DAZAP2: variants seen among roughly 807,000 people sequenced by gnomAD.
DAZAP2 encodes the protein DAZ-associated protein 2.
A neutral mutation model predicts 16.2 loss-of-function variants in DAZAP2; 3 were observed. That is an observed-to-expected ratio of 0.19 (90% CI 0.08 to 0.48). DAZAP2 has a LOEUF of 0.48. Among genes scored for constraint, DAZAP2 ranks in the 20% least tolerant of loss-of-function variants. The pLI, the probability that DAZAP2 is intolerant of heterozygous loss-of-function variation, is 0.98. For missense variants in DAZAP2, 172 were observed against 215.9 expected, an observed-to-expected ratio of 0.80 and a Z score of 1.27; for synonymous variants, 69 against 77.6, an observed-to-expected ratio of 0.89 and a Z score of 0.58.
At chr12:51,244,820 C>CTTTTTTTTT (rs5798164), downstream of DAZAP2, 1 of 92,064 alleles carries the variant, frequency 1.1e-5, no homozygotes, top group Non-Finnish European at 2.0e-5. Flanking sequence ...TCCCAGGGTA[C>CTTTTTTTTT]TTTTTTTTTT....
chr12:51,239,148 T>G, intron 1 of DAZAP2: 3 of 563,838 alleles, frequency 5.3e-6, no homozygotes, highest in South Asian at 2.4e-5. Context: ...AGTTTGGAGC[T>G]GCGGGCTCGG....
rs1220483076 is a variant in DAZAP2 at position 51,241,033 on chromosome 12, C to T, written c.295C>T (p.Pro99Ser). 6.2e-7 allele frequency: 1 copy of T among 1,614,178 alleles called. No individual in the cohort carries two copies. Reference sequence around the variant, plus strand: ...TTATTATCCAGTCGGTCCCATCTATCCACCTGGCTCCACAGTGCTGGTGGA... The same window carrying T: ...TTATTATCCAGTCGGTCCCATCTATTCACCTGGCTCCACAGTGCTGGTGGA... ...MAYYPVGPIY[P>S]PGSTVLVEGG... Residue 99 changes from proline (P) to serine (S), a missense_variant, in exon 3 of 4, where the codon CCA becomes TCA. Transcript: ENST00000412716.
In DAZAP2 at chr12:51,242,747, A is replaced by T. The variant is rs1197419482; in HGVS notation, c.*289A>T. 4.2e-6 allele frequency: 6 copies of T among 1,440,712 alleles called. No individual in the cohort carries two copies. The African/African-American group carries it at 8.6e-5, about 21-fold the overall frequency. 89.2% of individuals were successfully genotyped at this position (1,440,712 alleles called of 1,614,324 possible). ...TTTAATTTCTCTGGAGTAATACTGTACCATACTGGTCTTTGCTTTTAGTAA... is the reference window on the plus strand; with the variant it reads ...TTTAATTTCTCTGGAGTAATACTGTTCCATACTGGTCTTTGCTTTTAGTAA... On this transcript the variant is annotated 3_prime_UTR_variant, in exon 4 of 4. Transcript: ENST00000412716.
At position 51,240,907 on chromosome 12, in the gene DAZAP2, A is replaced by G. The variant is rs1804086; in HGVS notation, c.169A>G (p.Thr57Ala). 6.2e-7 allele frequency: 1 copy of G among 1,614,208 alleles called. No individual in the cohort carries two copies. The highest frequency in any genetic ancestry group is 1.7e-5 in the Admixed American group (1 of 60,020). The change falls in exon 3 of 4, where the codon ACA (threonine) becomes GCA (alanine). Residue 57 changes from threonine to alanine, a missense_variant. Physicochemically the swap from Thr to Ala is moderately conservative, Grantham distance 58 (BLOSUM62 0). Coordinates refer to ENST00000412716, the MANE Select transcript of DAZAP2 (RefSeq NM_014764.4). ...GAGCTTTGTGCACCCAGGGGCTGCC[A>G]CAGTCCCCACCATGTCAGCCGCATT... is the stretch of plus-strand genomic sequence containing the variant. ...RPSFVHPGAA[T>A]VPTMSAAFPG...
downstream of DAZAP2, chr12:51,246,150 T>C: frequency 2.5e-6 from 4 of 1,611,036 alleles, no homozygotes; most frequent in Non-Finnish European, 3.4e-6. Context: ...TGTAGAGATG[T>C]TTCAGGATTG....
chr12:51,242,934 C>A lies in DAZAP2; in HGVS notation c.*476C>A. 1 of 1,108,416 alleles carries A rather than the reference C, an allele frequency of 9.0e-7. No individual in the cohort carries two copies. Among genetic ancestry groups the A allele is most frequent in the Non-Finnish European group, 1.1e-6 (1 of 908,392 alleles). The allele number at this position is 1,108,416 out of a possible 1,614,324, so 68.7% of individuals were successfully genotyped here. A position where few individuals can be genotyped will look rare whatever the true frequency, so the allele number is the denominator to read the frequency against. ...TGCCTTTTCCTTTCCATCCCTTGCC[C>A]CACCCATCCCATCTCCAACCCTAGT... On this transcript the variant is annotated 3_prime_UTR_variant, in exon 4 of 4. Transcript: ENST00000412716.
intron 1 of DAZAP2, chr12:51,239,666 G>A (rs938349435): frequency 6.6e-6 from 1 of 152,438 alleles, no homozygotes; most frequent in Non-Finnish European, 1.5e-5. Flanking sequence ...TGTAATCCCA[G>A]CTACTCGGGA....
intron 3 of DAZAP2, among the ~76,000 whole-genome samples, chr12:51,241,566 C>G (rs981603374): frequency 6.6e-6 from 1 of 151,004 alleles, no homozygotes; most frequent in Non-Finnish European, 1.5e-5. Context: ...ACTTAATTCC[C>G]CAGTGCGTGG....
At chr12:51,241,900 G>A (rs569133075) in intron 3 of DAZAP2, among the ~76,000 whole-genome samples, 2 of 150,658 alleles carry the variant, frequency 1.3e-5, no homozygotes, top group African/African-American at 2.4e-5. Flanking sequence ...CAGCCTGGGC[G>A]ACAAGAGCAA....
chr12:51,243,939 G>A (rs1020353483), downstream of DAZAP2: 1 of 981,358 alleles, frequency 1.0e-6, no homozygotes, highest in African/African-American at 1.8e-5. Flanking sequence ...CCTAAGACTT[G>A]ATCATTTCAT....
In DAZAP2 at chr12:51,243,828, T is replaced by C; in HGVS notation, c.*1370T>C. 1.0e-6 allele frequency: 1 copy of C among 984,826 alleles called. No individual in the cohort carries two copies. Among genetic ancestry groups the C allele is most frequent in the Non-Finnish European group, 1.2e-6 (1 of 829,206 alleles). 61.0% of individuals were successfully genotyped at this position (984,826 alleles called of 1,614,324 possible). On this transcript the variant is annotated 3_prime_UTR_variant, in exon 4 of 4. Coordinates refer to ENST00000412716, the MANE Select transcript of DAZAP2 (RefSeq NM_014764.4). ...TTTACTTAGCTTGTTTTTAGATTTCTTCTATATATATTTTATTTATATCCC... is the reference window on the plus strand; with the variant it reads ...TTTACTTAGCTTGTTTTTAGATTTCCTCTATATATATTTTATTTATATCCC...
chr12:51,241,959 C>T (rs1267182700), intron 3 of DAZAP2, among the ~76,000 whole-genome samples: 2 of 151,758 alleles, frequency 1.3e-5, no homozygotes, highest in African/African-American at 2.4e-5. Context: ...AAATTAAAAA[C>T]TATGTAGGGA....
chr12:51,239,073 T>TCGTCATACCCAAA, intron 1 of DAZAP2, 153 bp downstream of exon 1: 3 of 1,079,208 alleles, frequency 2.8e-6, no homozygotes, highest in Non-Finnish European at 3.9e-6. Context: ...CCTGACGCCT[T>TCGTCATACCCAAA]CGTCATACCC....
At chr12:51,241,285 G>A (rs1276864974) in intron 3 of DAZAP2, among the ~76,000 whole-genome samples, 169 bp downstream of exon 3, 2 of 152,216 alleles carry the variant, frequency 1.3e-5, no homozygotes, top group Non-Finnish European at 2.9e-5. Context: ...ACTGTGGCAA[G>A]TGAGTAGCAT....
Position 51,241,573 on chromosome 12 carries a change from G to A in DAZAP2, c.378+457G>A, listed in dbSNP as rs114653371. 4.0e-3 allele frequency among the ~76,000 whole-genome samples: 609 copies of A among 151,160 alleles called. 1 individual carries two copies. The highest frequency in any genetic ancestry group is 0.027 in the Middle Eastern group (8 of 294). ...TTTTTCCTACTTAATTCCCCAGTGC[G>A]TGGGATTTAGAGCTCAAATGACTGC... On this transcript the variant is annotated intron_variant, in intron 3 of 3. Coordinates refer to ENST00000412716, the MANE Select transcript of DAZAP2 (RefSeq NM_014764.4).
Position 51,239,074 on chromosome 12 carries a change from C to T in DAZAP2, c.13+154C>T, listed in dbSNP as rs1403632263. ...TCCAGGGCGCTGCGCCTGACGCCTT[C>T]GTCATACCCAAATTACGGCAGCTTG... On this transcript the variant is annotated intron_variant, in intron 1 of 3. Coordinates refer to ENST00000412716, the MANE Select transcript of DAZAP2 (RefSeq NM_014764.4). 4.7e-6 allele frequency: 5 copies of T among 1,070,100 alleles called. No individual in the cohort carries two copies. In the African/African-American group the frequency reaches 6.5e-5, roughly 14 times the overall value. 66.3% of individuals were successfully genotyped at this position (1,070,100 alleles called of 1,614,324 possible).
downstream of DAZAP2, chr12:51,244,717 A>G (rs933743856): frequency 3.3e-5 from 5 of 151,382 alleles, no homozygotes; most frequent in South Asian, 2.1e-4. Context: ...GAAAGGTGGT[A>G]GGTTGATTTT....
chr12:51,238,830 C>T lies in DAZAP2; in HGVS notation c.-78C>T. 7.5e-6 allele frequency: 12 copies of T among 1,608,936 alleles called. No homozygotes were observed. The highest frequency in any genetic ancestry group is 2.2e-5 in the East Asian group (1 of 44,812). On this transcript the variant is annotated 5_prime_UTR_variant, in exon 1 of 4. It adds an upstream start codon to the 5' untranslated region. Transcript: ENST00000412716. ...TAGGCGGACGGACCATCATGTGACA[C>T]GGAAGTAGCTCCGAACAGGAAGAGG...
At chr12:51,245,320 A>G (rs1944752341), downstream of DAZAP2, 1 of 152,622 alleles carries the variant, frequency 6.6e-6, no homozygotes, top group East Asian at 1.9e-4. Context: ...ATAAGTCAAA[A>G]TGTAGTTACT....
Sources: allele counts gnomAD v4.1 joint callset (sites outside exome capture counted in the v4.1 genomes callset), GRCh38; gene constraint gnomAD v4.1.1; transcripts MANE v1.5; gene names NCBI Gene and HGNC (gene_info 2026-07-23, HGNC 2026-07-21).